ZNF804B: variants seen among roughly 807,000 people sequenced by gnomAD.
The protein encoded by ZNF804B is zinc finger protein 804B, also known as zinc finger 804B.
A neutral mutation model predicts 101.4 loss-of-function variants in ZNF804B; 80 were observed. That is an observed-to-expected ratio of 0.79 (90% CI 0.66 to 0.95). The LOEUF is 0.95. Among genes scored for constraint, ZNF804B ranks in the 40% least tolerant of loss-of-function variants. The pLI is 0.00. For missense variants in ZNF804B, 1,673 were observed against 1,561.9 expected (o/e 1.07, Z -1.20); for synonymous variants, 622 against 558.8 (o/e 1.11, Z -1.59).
At chr7:89,116,233 T>C (rs1441531830) in intron 1 of ZNF804B, among the ~76,000 whole-genome samples, 2 of 152,096 alleles carry the variant, frequency 1.3e-5, no homozygotes, top group African/African-American at 2.4e-5. Context: ...GTTTTTTTAA[T>C]TGAAACAGAA....
intron 1 of ZNF804B, among the ~76,000 whole-genome samples, chr7:88,822,876 G>A (rs1044829602): frequency 1.6e-4 from 25 of 152,152 alleles, no homozygotes; most frequent in Admixed American, 1.3e-4. Context: ...AGGGATGGCA[G>A]ATATATTGTT....
chr7:89,244,209 G>A (rs1325258450), intron 2 of ZNF804B, among the ~76,000 whole-genome samples: 1 of 151,838 alleles, frequency 6.6e-6, no homozygotes, highest in African/African-American at 2.4e-5. Flanking sequence ...TCAACAGTTG[G>A]GAAATCTGGA....
intron 1 of ZNF804B, among the ~76,000 whole-genome samples, chr7:89,203,299 A>G (rs1788672570): frequency 6.6e-6 from 1 of 152,196 alleles, no homozygotes; most frequent in African/African-American, 2.4e-5. Flanking sequence ...GTTAGTTCTC[A>G]TAAATGCAGG....
intron 1 of ZNF804B, among the ~76,000 whole-genome samples, chr7:88,840,199 C>A (rs991661461): frequency 5.3e-5 from 8 of 152,184 alleles, no homozygotes; most frequent in African/African-American, 1.7e-4. Flanking sequence ...AGGCATGTTT[C>A]TTTGTCCCTG....
chr7:89,329,871 A>G (rs941864807), intron 3 of ZNF804B, among the ~76,000 whole-genome samples: 2 of 151,518 alleles, frequency 1.3e-5, no homozygotes, highest in Non-Finnish European at 3.0e-5. Context: ...TTCATATAAG[A>G]GCTGGAAAAT....
chr7:89,171,288 G>GCTTCTTCTTCTCCTTCTTCTTCTTCTT (rs1791223066), intron 1 of ZNF804B, among the ~76,000 whole-genome samples: 4 of 82,482 alleles, frequency 4.8e-5, no homozygotes, highest in Non-Finnish European at 2.6e-5. Flanking sequence ...TGCTGCTGCT[G>GCTTCTTCTTCTCCTTCTTCTTCTTCTT]CTTCTTCTTC....
chr7:89,208,273 G>A (rs377206532), intron 1 of ZNF804B, among the ~76,000 whole-genome samples: 9 of 151,814 alleles, frequency 5.9e-5, no homozygotes, highest in African/African-American at 9.7e-5. Context: ...TAATAGAGAC[G>A]GTGTTTCACC....
intron 1 of ZNF804B, among the ~76,000 whole-genome samples, chr7:89,038,326 T>G (rs1788960176): frequency 1.3e-5 from 2 of 152,170 alleles, no homozygotes; most frequent in Non-Finnish European, 2.9e-5. Context: ...TTGCCAACAC[T>G]TACTTTTTGT....
Position 88,864,154 on chromosome 7 carries a change from G to T in ZNF804B, c.108+104070G>T, listed in dbSNP as rs529294555. Among the ~76,000 whole-genome samples the T allele has an allele frequency of 3.4e-4, 51 of 152,156 alleles. No individual in the cohort carries two copies. The South Asian group carries it at 8.7e-3, about 26-fold the overall frequency. The stretch of plus-strand genomic sequence containing the variant: ...TTCTTAACATGTGGAACATTTTCTC[G>T]TATTTGTTTGTTTTTATACCTCTCA... On this transcript the variant is annotated intron_variant, in intron 1 of 3. Transcript: ENST00000333190.
At chr7:89,171,105 A>G (rs1224018734) in intron 1 of ZNF804B, among the ~76,000 whole-genome samples, 1 of 152,224 alleles carries the variant, frequency 6.6e-6, no homozygotes, top group Non-Finnish European at 1.5e-5. Context: ...TCTAGCCTTA[A>G]CTGAACTGTG....
At chr7:88,939,132 G>A (rs1248624240) in intron 1 of ZNF804B, among the ~76,000 whole-genome samples, 1 of 151,922 alleles carries the variant, frequency 6.6e-6, no homozygotes, top group African/African-American at 2.4e-5. Context: ...TTGTTCCTTG[G>A]TATCCATTGG....
At chr7:88,984,587 TTA>T (rs1793734418) in intron 1 of ZNF804B, among the ~76,000 whole-genome samples, 1 of 152,060 alleles carries the variant, frequency 6.6e-6, no homozygotes, top group Non-Finnish European at 1.5e-5. Flanking sequence ...TTCTCTGACT[TTA>T]TGAGTGGTCC....
chr7:89,081,648 C>T (rs1482675592), intron 1 of ZNF804B, among the ~76,000 whole-genome samples: 1 of 151,676 alleles, frequency 6.6e-6, no homozygotes, highest in East Asian at 1.9e-4. Context: ...GCTGGGGATT[C>T]ACATAATCTC....
At chr7:88,937,185 G>A (rs1416511531) in intron 1 of ZNF804B, among the ~76,000 whole-genome samples, 2 of 151,236 alleles carry the variant, frequency 1.3e-5, no homozygotes, top group African/African-American at 4.9e-5. Flanking sequence ...GATTTCCCAG[G>A]GGTGAAAAAC....
chr7:89,020,288 A>G (rs1028583843), intron 1 of ZNF804B, among the ~76,000 whole-genome samples: 7 of 151,826 alleles, frequency 4.6e-5, no homozygotes, highest in Non-Finnish European at 1.0e-4. Context: ...CAGGAAAATA[A>G]TTTATTTCTT....
intron 1 of ZNF804B, among the ~76,000 whole-genome samples, chr7:88,900,934 A>G (rs1342840244): frequency 6.6e-6 from 1 of 151,786 alleles, no homozygotes; most frequent in Non-Finnish European, 1.5e-5. Context: ...GCCGTAGTAC[A>G]TACAGAATTC....
At chr7:88,943,433 G>T (rs937681590) in intron 1 of ZNF804B, among the ~76,000 whole-genome samples, 1 of 151,790 alleles carries the variant, frequency 6.6e-6, no homozygotes, top group Non-Finnish European at 1.5e-5. Flanking sequence ...TTACATTGTA[G>T]TATTTTTCTT....
intron 1 of ZNF804B, among the ~76,000 whole-genome samples, chr7:88,799,747 T>A (rs1790551132): frequency 6.6e-6 from 1 of 152,038 alleles, no homozygotes. Flanking sequence ...GGTGATGAAA[T>A]GTACATGAAT....
chr7:89,275,299 A>G (rs1789964397), intron 2 of ZNF804B, among the ~76,000 whole-genome samples: 1 of 151,982 alleles, frequency 6.6e-6, no homozygotes, highest in Non-Finnish European at 1.5e-5. Flanking sequence ...TAACACCCAG[A>G]AATACTGTAA....
Sources: allele counts gnomAD v4.1 joint callset (sites outside exome capture counted in the v4.1 genomes callset), GRCh38; gene constraint gnomAD v4.1.1; transcripts MANE v1.5; gene names NCBI Gene and HGNC (gene_info 2026-07-23, HGNC 2026-07-21).